CASK: variants seen among roughly 807,000 people sequenced by gnomAD.
CASK encodes calcium/calmodulin dependent serine protein kinase.
A neutral mutation model predicts 82.9 loss-of-function variants in CASK; 4 were observed. That is an observed-to-expected ratio of 0.05 (90% CI 0.02 to 0.11). The LOEUF is 0.11. CASK is among the 10% of genes least tolerant of loss of function. The pLI is 1.00. For synonymous variants in CASK, 259 were observed against 253.5 expected (o/e 1.02, Z -0.20); for missense variants, 358 against 720.9 (o/e 0.50, Z 5.76).
At chrX:41,882,907 T>G (rs1432288405) in intron 1 of CASK, among the ~76,000 whole-genome samples, 2 of 111,963 alleles carry the variant, frequency 1.8e-5, no homozygotes. Context: ...ATCATTTCCC[T>G]TAGTCCTAAT....
At chrX:41,544,557 C>A (rs1354185289) in intron 21 of CASK, among the ~76,000 whole-genome samples, 1 of 93,262 alleles carries the variant, frequency 1.1e-5, no homozygotes, top group Admixed American at 1.2e-4. Context: ...CCGAGCGAGA[C>A]CTTGTCTAAA....
chrX:41,682,055 T>TA (rs35914567), intron 5 of CASK, among the ~76,000 whole-genome samples: 19,492 of 67,655 alleles, frequency 0.29, 3,006 homozygotes, highest in Non-Finnish European at 0.4. Flanking sequence ...AGGACCATTG[T>TA]AAAAAAAAAA....
intron 10 of CASK, chrX:41,624,411 T>C (rs1355590581): frequency 8.1e-6 from 2 of 247,556 alleles, no homozygotes; most frequent in Admixed American, 8.9e-5. Flanking sequence ...AAGATTCCCA[T>C]TTCTGAATGT....
intron 26 of CASK, chrX:41,523,144 A>G (rs1016982602): frequency 8.9e-6 from 1 of 112,648 alleles, no homozygotes; most frequent in Admixed American, 9.4e-5. Flanking sequence ...GTGGAGTTTC[A>G]AACATGCTTA....
intron 3 of CASK, among the ~76,000 whole-genome samples, chrX:41,770,307 C>T (rs866077543): frequency 2.1e-3 from 214 of 100,787 alleles, no homozygotes; most frequent in Middle Eastern, 5.0e-3. Context: ...TACCTACCTA[C>T]CTACCTATCC....
intron 2 of CASK, among the ~76,000 whole-genome samples, chrX:41,844,497 C>A (rs1569466575): frequency 9.0e-6 from 1 of 111,724 alleles, no homozygotes; most frequent in East Asian, 2.8e-4. Context: ...AAGTGGCATA[C>A]AATTTTTCAG....
At chrX:41,882,111 T>C (rs2071963956) in intron 1 of CASK, among the ~76,000 whole-genome samples, 1 of 111,817 alleles carries the variant, frequency 8.9e-6, no homozygotes, top group Non-Finnish European at 1.9e-5. Flanking sequence ...TTTACTATTA[T>C]TAAGCCTCAT....
intron 2 of CASK, among the ~76,000 whole-genome samples, chrX:41,819,999 T>C (rs1029062551): frequency 6.2e-5 from 7 of 112,055 alleles, no homozygotes; most frequent in African/African-American, 1.3e-4. Flanking sequence ...CCTAAGATTA[T>C]TGAATTGTAT....
At chrX:41,541,932 G>A (rs775139013) in intron 22 of CASK, among the ~76,000 whole-genome samples, 11 of 111,963 alleles carry the variant, frequency 9.8e-5, no homozygotes, top group Non-Finnish European at 1.9e-4. Context: ...GCACTCCTGT[G>A]TATCACCATG....
chrX:41,593,652 T>C (rs2065777793), intron 12 of CASK, among the ~76,000 whole-genome samples: 1 of 111,918 alleles, frequency 8.9e-6, no homozygotes, highest in Non-Finnish European at 1.9e-5. Flanking sequence ...TCTTGATGTA[T>C]ATGCATAATA....
intron 9 of CASK, among the ~76,000 whole-genome samples, chrX:41,628,396 C>T (rs1266728605): frequency 1.8e-5 from 2 of 111,829 alleles, no homozygotes; most frequent in Non-Finnish European, 3.8e-5. Flanking sequence ...CTCAACCTCT[C>T]AGGCTCAAGT....
chrX:41,552,117 A>G (rs1326963129), intron 21 of CASK, among the ~76,000 whole-genome samples: 1 of 102,985 alleles, frequency 9.7e-6, no homozygotes, highest in Non-Finnish European at 2.0e-5. Context: ...TTTTATTTCA[A>G]GTAGAGACAG....
At chrX:41,559,655 T>C (rs2065200390) in intron 18 of CASK, 124 bp downstream of exon 18, 1 of 576,149 alleles carries the variant, frequency 1.7e-6, no homozygotes. Flanking sequence ...TGTTGTAAAA[T>C]TGGTGTGCAG....
intron 2 of CASK, among the ~76,000 whole-genome samples, chrX:41,851,896 T>C (rs1436568408): frequency 1.8e-5 from 2 of 111,025 alleles, no homozygotes; most frequent in Admixed American, 1.9e-4. Context: ...AAATCAAATA[T>C]AGAATATTAA....
intron 1 of CASK, among the ~76,000 whole-genome samples, chrX:41,862,267 G>A (rs1480685604): frequency 1.8e-5 from 2 of 110,698 alleles, no homozygotes; most frequent in South Asian, 3.7e-4. Flanking sequence ...CTGGCAGGGT[G>A]CAGTGGCTCA....
chrX:41,851,352 C>T (rs1363375560), intron 2 of CASK, among the ~76,000 whole-genome samples: 1 of 111,584 alleles, frequency 9.0e-6, no homozygotes, highest in Non-Finnish European at 1.9e-5. Flanking sequence ...ATAACTTCAG[C>T]AACAGACTCC....
chrX:41,586,678 A>T, intron 14 of CASK: 1 of 353,631 alleles, frequency 2.8e-6, no homozygotes, highest in Non-Finnish European at 4.9e-6. Context: ...TTGTCTGATG[A>T]GTACAGTCCC....
intron 2 of CASK, among the ~76,000 whole-genome samples, chrX:41,817,670 G>A (rs1473272093): frequency 1.8e-5 from 2 of 110,856 alleles, no homozygotes; most frequent in Non-Finnish European, 3.8e-5. Context: ...AGAGCTCAAT[G>A]TGTTCTGAGT....
chrX:41,815,537 A>G (rs979706406), intron 2 of CASK, among the ~76,000 whole-genome samples: 4 of 111,656 alleles, frequency 3.6e-5, no homozygotes, highest in Non-Finnish European at 5.6e-5. Context: ...AAAAAAATAT[A>G]TTATCTCAAA....
Sources: allele counts gnomAD v4.1 joint callset (sites outside exome capture counted in the v4.1 genomes callset), GRCh38; gene constraint gnomAD v4.1.1; transcripts MANE v1.5; gene names NCBI Gene and HGNC (gene_info 2026-07-23, HGNC 2026-07-21).